Variants in L1CAM observed in about 807,000 individuals in gnomAD.
The protein encoded by L1CAM is L1 cell adhesion molecule, also known as neural cell adhesion molecule L1.
A neutral mutation model predicts 93.0 loss-of-function variants in L1CAM; 8 were observed. That is an observed-to-expected ratio of 0.09 (90% CI 0.05 to 0.16). L1CAM has a LOEUF of 0.16. Among genes scored for constraint, L1CAM ranks in the 10% least tolerant of loss-of-function variants. The pLI is 1.00. For synonymous variants in L1CAM, 453 were observed against 453.0 expected, an observed-to-expected ratio of 1.00 and a Z score of 0.00; for missense variants, 777 against 1,073.4, an observed-to-expected ratio of 0.72 and a Z score of 3.86.
At chrX:153,883,765 C>T (rs1557096239) in intron 1 of L1CAM, 1 of 343,050 alleles carries the variant, frequency 2.9e-6, no homozygotes, top group Non-Finnish European at 5.9e-6. Context: ...AGGACCCCAC[C>T]ACTACCCCAG....
chrX:153,868,237 G>A (rs868911607), intron 14 of L1CAM, 65 bp downstream of exon 14: 17 of 1,194,734 alleles, frequency 1.4e-5, no homozygotes, highest in African/African-American at 1.8e-5. Context: ...AAGCAAGGAC[G>A]AGGCCAAGAG....
chrX:153,885,493 C>G (rs2064873370), intron 1 of L1CAM: 2 of 821,029 alleles, frequency 2.4e-6, no homozygotes, highest in Non-Finnish European at 3.2e-6. Flanking sequence ...AGAACAAAGC[C>G]CCCCCAACCT....
At chrX:153,871,902 C>A (rs1413013739) in intron 5 of L1CAM, among the ~76,000 whole-genome samples, 1 of 89,858 alleles carries the variant, frequency 1.1e-5, no homozygotes, top group African/African-American at 4.3e-5. Context: ...AGCCATGAGG[C>A]AGGCACCAGG....
Position 153,865,495 on chromosome X carries a change from C to T in L1CAM, c.2553G>A (p.Thr851=), listed in dbSNP as rs373921972. The T allele has an allele frequency of 2.5e-5, 30 of 1,208,698 alleles. No homozygotes were observed. The highest frequency in any genetic ancestry group is 8.7e-5 in the African/African-American group (5 of 57,154). The stretch of plus-strand genomic sequence containing the variant: ...TCCTCTGACTGCCCTCCCTCCAGTA[C>T]GTCACCTGCACAAGCGAACAGGAGA... The part of the protein sequence containing the change: ...VKGHLRGYNV[T]YWREGSQRKH... Residue 851 remains threonine (T), a synonymous_variant, in exon 21 of 29, where the codon ACG becomes ACA. Transcript: ENST00000370060.
At chrX:153,871,266 G>C in intron 5 of L1CAM, 87 bp from the exon 6 acceptor site, 3 of 490,609 alleles carry the variant, frequency 6.1e-6, no homozygotes, top group Non-Finnish European at 1.1e-5. Context: ...GGGGTGGCGG[G>C]CTACACCAGG....
chrX:153,877,559 G>A lies in L1CAM; in HGVS notation c.-108-1615C>T, dbSNP rs1557094940. Among the ~76,000 whole-genome samples, 5 of 111,524 alleles carry A rather than the reference G, an allele frequency of 4.5e-5. No individual in the cohort carries two copies. The South Asian group carries it at 1.5e-3, about 33-fold the overall frequency. ...GGAGAATCTCTTGAACCCAGGAGGC[G>A]GAAGTTGCAGTGAGCCAAGATCGCA... On this transcript the variant is annotated intron_variant, in intron 1 of 28. Transcript: ENST00000370060.
At chrX:153,879,007 G>A (rs1603277965) in intron 1 of L1CAM, among the ~76,000 whole-genome samples, 1 of 111,069 alleles carries the variant, frequency 9.0e-6, no homozygotes, top group Non-Finnish European at 1.9e-5. Context: ...CAGCTGGGAG[G>A]GGGCGCTCCC....
rs1557093484 is a variant in L1CAM, at chrX:153,872,364, G to A, written c.198-10C>T. On this transcript the variant is annotated splice_polypyrimidine_tract_variant and intron_variant, in intron 4 of 28. Transcript: ENST00000370060. ...CCTCGTCCAGCGGAACCTGTGGGCG[G>A]AAAAAGGCCCAGAGGCCTGAGGCCC... The A allele has an allele frequency of 3.3e-6, 4 of 1,205,275 alleles. No individual in the cohort carries two copies. In the South Asian group the frequency reaches 5.3e-5, roughly 16 times the overall value.
rs375705679 is a variant in L1CAM at position 153,864,948 on chromosome X, G to A, written c.2919C>T (p.Pro973=). 76 of 1,211,070 alleles carry A rather than the reference G, an allele frequency of 6.3e-5. No homozygotes were observed. The highest frequency in any genetic ancestry group is 2.3e-4 in the South Asian group (13 of 56,902). ...CGGTCAGGTTGTGTGTCCGAAGTTC[G>A]GGGTCCCGAAGGTTGAAGGACAGTT... ...KGQLSFNLRD[P]ELRTHNLTDL... is the part of the protein sequence containing the mutation. Residue 973 remains proline (P), a synonymous_variant, in exon 23 of 29, where the codon CCC becomes CCT. Coordinates refer to ENST00000370060, the MANE Select transcript of L1CAM (RefSeq NM_001278116.2).
intron 2 of L1CAM, among the ~76,000 whole-genome samples, chrX:153,873,698 T>C (rs1557093885): frequency 8.9e-6 from 1 of 112,473 alleles, no homozygotes; most frequent in African/African-American, 3.2e-5. Context: ...TTAGCACAGC[T>C]GAGTGTTTTC....
At chrX:153,867,646 C>A in intron 16 of L1CAM, 93 bp from the exon 17 acceptor site, 3 of 973,505 alleles carry the variant, frequency 3.1e-6, no homozygotes, top group Non-Finnish European at 4.4e-6. Context: ...TCCCTGATTA[C>A]CCAGGCCAAC....
At chrX:153,863,291 G>C in intron 28 of L1CAM, 77 bp downstream of exon 28, 1 of 1,091,423 alleles carries the variant, frequency 9.2e-7, no homozygotes, top group Non-Finnish European at 1.3e-6. Flanking sequence ...CGGCAGCCAG[G>C]GGACAATGGC....
chrX:153,871,216 T>G, intron 5 of L1CAM, 37 bp from the exon 6 acceptor site: 4 of 984,115 alleles, frequency 4.1e-6, no homozygotes, highest in Non-Finnish European at 5.5e-6. Context: ...CTCCTCCTGG[T>G]CCAGATGGTG....
intron 14 of L1CAM, 38 bp from the exon 15 acceptor site, chrX:153,868,160 G>A: frequency 8.3e-7 from 1 of 1,208,540 alleles, no homozygotes; most frequent in Non-Finnish European, 1.1e-6. Flanking sequence ...TGCCATCTGG[G>A]CTCTTCTCCC....
intron 1 of L1CAM, among the ~76,000 whole-genome samples, chrX:153,882,324 G>C (rs2064849519): frequency 9.0e-6 from 1 of 110,771 alleles, no homozygotes; most frequent in Non-Finnish European, 1.9e-5. Context: ...GCCTGGGTTG[G>C]CCAGAGGCTC....
intron 7 of L1CAM, 28 bp downstream of exon 7, chrX:153,870,762 G>A: frequency 8.4e-7 from 1 of 1,193,179 alleles, no homozygotes; most frequent in Non-Finnish European, 1.1e-6. Context: ...AGGAGTCAGG[G>A]AGAGAGTGCA....
intron 19 of L1CAM, among the ~76,000 whole-genome samples, chrX:153,866,184 G>C (rs1208839386): frequency 9.1e-6 from 1 of 109,375 alleles, no homozygotes; most frequent in African/African-American, 3.3e-5. Flanking sequence ...GTGGTGGCGC[G>C]TGCCTGTAAT....
chrX:153,885,214 C>G (rs2064871434), intron 1 of L1CAM: 3 of 290,934 alleles, frequency 1.0e-5, no homozygotes, highest in African/African-American at 2.8e-5. Flanking sequence ...GGCAAAAGAC[C>G]TGCAGTGCGC....
Position 153,875,904 on chromosome X carries a change from G to T in L1CAM, c.-68C>A. The stretch of plus-strand genomic sequence containing the variant: ...TCAGGCTCCGGCCGGAGGGGAAGGG[G>T]GCTGGTGGGCGGCTTGGGGCGGGAG... On this transcript the variant is annotated 5_prime_UTR_variant, in exon 2 of 29. Transcript: ENST00000370060. The T allele has an allele frequency of 9.6e-7, 1 of 1,037,566 alleles. No individual in the cohort carries two copies. The highest frequency in any genetic ancestry group is 1.3e-6 in the Non-Finnish European group (1 of 750,783). 85.5% of individuals were successfully genotyped at this position (1,037,566 alleles called of 1,213,427 possible). A position where few individuals can be genotyped will look rare whatever the true frequency, so the allele number is the denominator to read the frequency against.
Sources: allele counts gnomAD v4.1 joint callset (sites outside exome capture counted in the v4.1 genomes callset), GRCh38; gene constraint gnomAD v4.1.1; transcripts MANE v1.5; gene names NCBI Gene and HGNC (gene_info 2026-07-23, HGNC 2026-07-21).